ITGA2: variants seen among roughly 807,000 people sequenced by gnomAD.
The protein encoded by ITGA2 is integrin alpha-2.
Under a neutral mutation model 146.3 loss-of-function variants are expected in ITGA2, and 101 were observed. That is an observed-to-expected ratio of 0.69 (90% CI 0.59 to 0.81). The LOEUF is 0.81. Ranked by LOEUF, ITGA2 falls within the 40% of genes least tolerant of loss-of-function variation. The pLI, the probability that ITGA2 is intolerant of heterozygous loss-of-function variation, is 0.00. For synonymous variants in ITGA2, 477 were observed against 487.1 expected (o/e 0.98, Z 0.27); for missense variants, 1,281 against 1,402.7 (o/e 0.91, Z 1.39).
Position 53,062,822 on chromosome 5 carries a change from G to T in ITGA2, c.1495G>T (p.Asp499Tyr), listed in dbSNP as rs1041865104. 5 of 1,611,574 alleles carry T rather than the reference G, an allele frequency of 3.1e-6. No individual in the cohort carries two copies. In the African/African-American group the frequency reaches 4.0e-5, roughly 13 times the overall value. ...TTTTGGTAGTGTGCTGTGTTCAGTT[G>T]ATGTGGATAAAGACACCATTACAGA... ...SYFGSVLCSV[D>Y]VDKDTITDVL... Residue 499 changes from aspartate to tyrosine, a missense_variant, in exon 13 of 30, where the codon GAT (aspartate) becomes TAT (tyrosine). Physicochemically the swap from Asp to Tyr is radical, Grantham distance 160. Around this residue, in one of 3 missense-constraint regions of ITGA2, gnomAD observed 795 missense variants for 841.7 expected, o/e 0.94. Coordinates refer to ENST00000296585, the MANE Select transcript of ITGA2 (RefSeq NM_002203.4).
At chr5:53,068,229 G>A (rs1032282195) in intron 16 of ITGA2, among the ~76,000 whole-genome samples, 10 of 151,834 alleles carry the variant, frequency 6.6e-5, no homozygotes, top group Admixed American at 6.6e-4. Context: ...ATCTTAACAT[G>A]CTTTCCATAT....
chr5:53,039,490 A>T (rs989412572), intron 2 of ITGA2, among the ~76,000 whole-genome samples: 2 of 152,084 alleles, frequency 1.3e-5, no homozygotes, highest in African/African-American at 2.4e-5. Flanking sequence ...AACAGAAATA[A>T]GGATTTTCTT....
At chr5:53,018,773 GT>G (rs1377172077) in intron 1 of ITGA2, among the ~76,000 whole-genome samples, 1 of 152,134 alleles carries the variant, frequency 6.6e-6, no homozygotes, top group East Asian at 1.9e-4. Context: ...AAAACATTTT[GT>G]TTTTTAGGCT....
intron 8 of ITGA2, 44 bp from the exon 9 acceptor site, chr5:53,055,940 T>G (rs765515252): frequency 1.4e-5 from 22 of 1,561,488 alleles, no homozygotes; most frequent in Non-Finnish European, 1.9e-5. Context: ...ATAGGGAAAA[T>G]GTACAGCAGT....
At chr5:53,089,645 G>A (rs1488006597) in intron 28 of ITGA2, among the ~76,000 whole-genome samples, 1 of 152,188 alleles carries the variant, frequency 6.6e-6, no homozygotes, top group Non-Finnish European at 1.5e-5. Context: ...TGCCAGAAAT[G>A]GAAGTTTCTA....
chr5:53,045,762 G>A (rs868746700), intron 4 of ITGA2, among the ~76,000 whole-genome samples: 1 of 151,800 alleles, frequency 6.6e-6, no homozygotes, highest in African/African-American at 2.4e-5. Flanking sequence ...GGAAATTGTT[G>A]AAAGGATTTG....
At chr5:53,075,011 CCT>C (rs1198524870) in intron 21 of ITGA2, 48 bp from the exon 22 acceptor site, 1 of 1,213,484 alleles carries the variant, frequency 8.2e-7, no homozygotes, top group Non-Finnish European at 1.2e-6. Flanking sequence ...TTCACGTTGG[CCT>C]CTGAGTATGA....
chr5:53,042,084 G>A, intron 2 of ITGA2, 28 bp from the exon 3 acceptor site: 5 of 1,293,746 alleles, frequency 3.9e-6, no homozygotes, highest in Non-Finnish European at 5.6e-6. Flanking sequence ...TTAACACTTT[G>A]TGTCTAATAA....
At chr5:53,039,008 A>T (rs1324714209) in intron 2 of ITGA2, among the ~76,000 whole-genome samples, 1 of 152,092 alleles carries the variant, frequency 6.6e-6, no homozygotes, top group Non-Finnish European at 1.5e-5. Flanking sequence ...CAGGAGAATT[A>T]CTTGAACCCA....
intron 10 of ITGA2, among the ~76,000 whole-genome samples, chr5:53,058,722 A>G (rs1443130703): frequency 6.6e-6 from 1 of 151,942 alleles, no homozygotes; most frequent in Non-Finnish European, 1.5e-5. Context: ...TTTAAGGAAC[A>G]GTAGGAAATC....
At chr5:53,079,313 T>C (rs552089568) in intron 24 of ITGA2, among the ~76,000 whole-genome samples, 1 of 152,268 alleles carries the variant, frequency 6.6e-6, no homozygotes, top group East Asian at 1.9e-4. Context: ...TAAAAGTCTT[T>C]GGCATATAAT....
intron 4 of ITGA2, among the ~76,000 whole-genome samples, chr5:53,047,209 A>G (rs1458681119): frequency 5.9e-5 from 9 of 152,188 alleles, no homozygotes; most frequent in African/African-American, 2.2e-4. Flanking sequence ...TTGCAAGCCC[A>G]TACTCTTCTG....
intron 2 of ITGA2, among the ~76,000 whole-genome samples, chr5:53,039,518 C>T (rs979867099): frequency 6.6e-5 from 10 of 151,398 alleles, no homozygotes; most frequent in African/African-American, 1.9e-4. Flanking sequence ...TGGAGGCGGG[C>T]GGATCACCTG....
At chr5:53,014,427 A>G (rs1039829386) in intron 1 of ITGA2, among the ~76,000 whole-genome samples, 6 of 152,050 alleles carry the variant, frequency 3.9e-5, no homozygotes, top group African/African-American at 1.2e-4. Context: ...TGTTGCACCA[A>G]CTTGCATCCG....
chr5:53,042,963 T>C (rs1052037874), intron 3 of ITGA2, among the ~76,000 whole-genome samples: 3 of 152,124 alleles, frequency 2.0e-5, no homozygotes, highest in African/African-American at 4.8e-5. Context: ...TGATTAAGAC[T>C]TGGAAACAAG....
chr5:52,997,279 T>C (rs1741314226), intron 1 of ITGA2, among the ~76,000 whole-genome samples: 2 of 152,232 alleles, frequency 1.3e-5, no homozygotes, highest in South Asian at 4.1e-4. Context: ...TCAGCAAAGA[T>C]TCCTGCATTA....
chr5:53,090,771 G>T lies in ITGA2; in HGVS notation c.*172G>T. 3 of 551,360 alleles carry T rather than the reference G, an allele frequency of 5.4e-6. No individual in the cohort carries two copies. Among genetic ancestry groups the T allele is most frequent in the Non-Finnish European group, 3.3e-6 (1 of 301,740 alleles). 34.2% of individuals were successfully genotyped at this position (551,360 alleles called of 1,614,324 possible). A position where few individuals can be genotyped will look rare whatever the true frequency, so the allele number is the denominator to read the frequency against. On this transcript the variant is annotated 3_prime_UTR_variant, in exon 30 of 30. Transcript: ENST00000296585. ...GTTTGGAATGAAGAAATTGTGGGGG[G>T]TGGGGGAGGTGCGGGGGGCAGGTAG... is the stretch of plus-strand genomic sequence containing the variant.
intron 10 of ITGA2, 112 bp from the exon 11 acceptor site, chr5:53,059,762 T>C: frequency 2.0e-6 from 2 of 988,714 alleles, no homozygotes; most frequent in South Asian, 2.8e-5. Context: ...TTCATATATA[T>C]TTCATCATTT....
intron 1 of ITGA2, among the ~76,000 whole-genome samples, chr5:53,008,562 CAT>C (rs1396117696): frequency 4.6e-5 from 7 of 151,990 alleles, no homozygotes; most frequent in Admixed American, 2.0e-4. Flanking sequence ...AAGTGTCAAA[CAT>C]ATGATATATG....
Sources: allele counts gnomAD v4.1 joint callset (sites outside exome capture counted in the v4.1 genomes callset), GRCh38; gene constraint gnomAD v4.1.1; regional missense constraint gnomAD v4.1.1; transcripts MANE v1.5; gene names NCBI Gene and HGNC (gene_info 2026-07-23, HGNC 2026-07-21).